The following SERPINB2 variants were observed in gnomAD, a reference collection of about 807,000 sequenced individuals.
SERPINB2 encodes serpin family B member 2.
SERPINB2 carries 28 observed loss-of-function variants against 39.4 expected under a neutral mutation model. The observed-to-expected ratio is 0.71, with a 90% CI of 0.53 to 0.97. The LOEUF is 0.97. Among genes scored for constraint, SERPINB2 ranks in the 50% least tolerant of loss-of-function variants. The pLI, the probability that SERPINB2 is intolerant of heterozygous loss-of-function variation, is 0.00. For synonymous variants in SERPINB2, 209 were observed against 175.1 expected (o/e 1.19, Z -1.53); for missense variants, 557 against 505.3 (o/e 1.10, Z -0.98).
At chr18:63,890,190 A>G (rs1431045203) in intron 1 of SERPINB2, 1 of 152,232 alleles carries the variant, frequency 6.6e-6, no homozygotes, top group Non-Finnish European at 1.5e-5. Flanking sequence ...TTTAATACAA[A>G]TAAATTCCAA....
At chr18:63,891,677 C>T (rs1424364431) in intron 2 of SERPINB2, 65 bp downstream of exon 2, 1 of 1,499,404 alleles carries the variant, frequency 6.7e-7, no homozygotes, top group Non-Finnish European at 9.1e-7. Flanking sequence ...GAGAACTGCT[C>T]TTGTTTTATG....
Position 63,902,523 on chromosome 18 carries a change from G to T in SERPINB2, c.798G>T (p.Leu266Phe), listed in dbSNP as rs1156793661. 46 of 1,613,438 alleles carry T rather than the reference G, an allele frequency of 2.9e-5. No homozygotes were observed. Among genetic ancestry groups the T allele is most frequent in the Non-Finnish European group, 3.3e-5 (39 of 1,179,664 alleles). ...LPYAGDVSMF[L>F]LLPDEIADVS... Reference sequence around the variant, plus strand: ...ATGCTGGAGATGTTAGCATGTTCTTGTTGCTTCCAGATGAAATTGCCGATG... The same window carrying T: ...ATGCTGGAGATGTTAGCATGTTCTTTTTGCTTCCAGATGAAATTGCCGATG... The change falls in exon 7 of 8, where the codon TTG (leucine) becomes TTT (phenylalanine). Residue 266 changes from leucine (L) to phenylalanine (F), a missense_variant. Transcript: ENST00000299502.
chr18:63,888,987 T>G (rs1392270664), intron 1 of SERPINB2, among the ~76,000 whole-genome samples: 2 of 152,210 alleles, frequency 1.3e-5, no homozygotes, highest in Non-Finnish European at 2.9e-5. Context: ...ACACTGCATA[T>G]GGGTGCCTTC....
chr18:63,899,439 G>A (rs2049979261), intron 5 of SERPINB2, among the ~76,000 whole-genome samples: 1 of 152,212 alleles, frequency 6.6e-6, no homozygotes, highest in African/African-American at 2.4e-5. Flanking sequence ...TCCAGGTAGA[G>A]TTGTAGGCCT....
At chr18:63,888,255 T>G (rs1180066368) in intron 1 of SERPINB2, among the ~76,000 whole-genome samples, 1 of 152,232 alleles carries the variant, frequency 6.6e-6, no homozygotes, top group African/African-American at 2.4e-5. Flanking sequence ...CAATTTGGGC[T>G]GGGTCAATCT....
At chr18:63,902,704 C>G in intron 7 of SERPINB2, 136 bp downstream of exon 7, 1 of 1,051,882 alleles carries the variant, frequency 9.5e-7, no homozygotes, top group Non-Finnish European at 1.4e-6. Flanking sequence ...TATGGCATGC[C>G]TCTACATTTC....
chr18:63,896,941 T>G (rs750634011), intron 3 of SERPINB2, 150 bp from the exon 4 acceptor site: 1 of 584,504 alleles, frequency 1.7e-6, no homozygotes, highest in Non-Finnish European at 2.7e-6. Flanking sequence ...TCGAAATGAT[T>G]TTCTCAAAGA....
At chr18:63,888,633 G>A (rs775201994) in intron 1 of SERPINB2, among the ~76,000 whole-genome samples, 18 of 152,160 alleles carry the variant, frequency 1.2e-4, no homozygotes, top group Non-Finnish European at 2.2e-4. Context: ...GACAATGGCC[G>A]TGTGCCTGGT....
intron 5 of SERPINB2, 63 bp downstream of exon 5, chr18:63,897,907 C>T: frequency 8.6e-7 from 1 of 1,160,584 alleles, no homozygotes; most frequent in South Asian, 1.3e-5. Flanking sequence ...CTATCTTTTT[C>T]CATCCATGAA....
intron 3 of SERPINB2, among the ~76,000 whole-genome samples, 161 bp from the exon 4 acceptor site, chr18:63,896,930 A>G (rs1401035819): frequency 6.6e-6 from 1 of 152,230 alleles, no homozygotes; most frequent in Non-Finnish European, 1.5e-5. Context: ...CCACATCCTT[A>G]TCGAAATGAT....
chr18:63,901,527 T>C (rs1350792719), intron 5 of SERPINB2, among the ~76,000 whole-genome samples: 2 of 152,170 alleles, frequency 1.3e-5, no homozygotes, highest in African/African-American at 4.8e-5. Context: ...AAATTTTAAA[T>C]GCATTATTTC....
At chr18:63,888,721 A>G (rs934424465) in intron 1 of SERPINB2, among the ~76,000 whole-genome samples, 23 of 152,216 alleles carry the variant, frequency 1.5e-4, no homozygotes, top group African/African-American at 5.3e-4. Context: ...GAACCAACAC[A>G]CACACCACCA....
chr18:63,889,442 G>T (rs1038134285), intron 1 of SERPINB2, among the ~76,000 whole-genome samples: 2 of 152,080 alleles, frequency 1.3e-5, no homozygotes, highest in African/African-American at 4.8e-5. Context: ...TACTATCAAA[G>T]TTACTATGTG....
At chr18:63,899,185 A>G (rs2049977840) in intron 5 of SERPINB2, among the ~76,000 whole-genome samples, 1 of 152,192 alleles carries the variant, frequency 6.6e-6, no homozygotes, top group African/African-American at 2.4e-5. Flanking sequence ...GTGACTCCCA[A>G]TTACTTCCTG....
intron 1 of SERPINB2, among the ~76,000 whole-genome samples, chr18:63,889,075 T>G (rs1356305957): frequency 3.3e-5 from 5 of 152,204 alleles, no homozygotes; most frequent in Non-Finnish European, 4.4e-5. Flanking sequence ...GAATCAGAAG[T>G]CTGTGATCCA....
intron 3 of SERPINB2, among the ~76,000 whole-genome samples, chr18:63,895,884 CCTAT>C (rs980396868): frequency 7.2e-5 from 11 of 152,058 alleles, no homozygotes; most frequent in African/African-American, 2.2e-4. Flanking sequence ...ATCTATCAAT[CCTAT>C]CTATCTATAT....
rs1464097832 is a variant in SERPINB2, at chr18:63,892,741, G to A, written c.168+1129G>A. On this transcript the variant is annotated intron_variant, in intron 2 of 7. Coordinates refer to ENST00000299502, the MANE Select transcript of SERPINB2 (RefSeq NM_002575.3). Reference sequence around the variant, plus strand: ...ATTGCTGCAGGAAGACAAGGGATGGGTGAATCAATCTCTGTGTTTGTGACA... The same window carrying A: ...ATTGCTGCAGGAAGACAAGGGATGGATGAATCAATCTCTGTGTTTGTGACA... 3 of 152,286 alleles carry A rather than the reference G, an allele frequency of 2.0e-5. No homozygotes were observed. The East Asian group carries it at 5.8e-4, about 29-fold the overall frequency. The allele number at this position is 152,286 out of a possible 1,614,324, so 9.4% of individuals were successfully genotyped here. A position where few individuals can be genotyped will look rare whatever the true frequency, so the allele number is the denominator to read the frequency against.
At chr18:63,894,047 C>T (rs143273172) in intron 2 of SERPINB2, among the ~76,000 whole-genome samples, 44 of 152,250 alleles carry the variant, frequency 2.9e-4, no homozygotes, top group African/African-American at 1.1e-3. Context: ...AGGCAACAGA[C>T]CCATCCAGGC....
At chr18:63,897,040 T>G in intron 3 of SERPINB2, 51 bp from the exon 4 acceptor site, 1 of 1,537,564 alleles carries the variant, frequency 6.5e-7, no homozygotes, top group Admixed American at 1.8e-5. Context: ...AAGAACTATC[T>G]TGTTTAGTAG....
Sources: allele counts gnomAD v4.1 joint callset (sites outside exome capture counted in the v4.1 genomes callset), GRCh38; gene constraint gnomAD v4.1.1; transcripts MANE v1.5; gene names NCBI Gene and HGNC (gene_info 2026-07-23, HGNC 2026-07-21).